The following IQGAP2 variants were observed in gnomAD, a reference collection of about 807,000 sequenced individuals.
IQGAP2 encodes IQ motif containing GTPase activating protein 2, also known as ras GTPase-activating-like protein IQGAP2.
In IQGAP2, 173 loss-of-function variants were observed where a neutral mutation model predicts 201.3. The observed-to-expected ratio is 0.86, with a 90% CI of 0.76 to 0.98. IQGAP2 has a LOEUF of 0.98. Ranked by LOEUF, IQGAP2 falls within the 50% of genes least tolerant of loss-of-function variation. IQGAP2 has a pLI of 0.00. For synonymous variants in IQGAP2, 675 were observed against 673.9 expected, an observed-to-expected ratio of 1.00 and a Z score of -0.03; for missense variants, 1,687 against 1,864.8, an observed-to-expected ratio of 0.90 and a Z score of 1.76.
intron 1 of IQGAP2, among the ~76,000 whole-genome samples, chr5:76,444,334 C>T (rs571661562): frequency 3.9e-5 from 6 of 152,226 alleles, no homozygotes; most frequent in South Asian, 2.1e-4. Context: ...GTTTCACTCT[C>T]GTCACCCAGG....
intron 1 of IQGAP2, among the ~76,000 whole-genome samples, chr5:76,437,942 G>A: frequency 6.7e-6 from 1 of 148,368 alleles, no homozygotes; most frequent in East Asian, 2.0e-4. Flanking sequence ...TGTGCCGTTG[G>A]ATTTGGTTTG....
At chr5:76,664,985 A>G (rs2150465597) in intron 21 of IQGAP2, 41 bp from the exon 22 acceptor site, 2 of 1,080,494 alleles carry the variant, frequency 1.9e-6, no homozygotes, top group Non-Finnish European at 2.7e-6. Flanking sequence ...GATAAAGAGT[A>G]TGAGAATTAA....
chr5:76,422,175 G>C (rs1483272234), intron 1 of IQGAP2, among the ~76,000 whole-genome samples: 1 of 152,232 alleles, frequency 6.6e-6, no homozygotes, highest in Non-Finnish European at 1.5e-5. Context: ...GGGGGCTCTA[G>C]AATGGTGGTG....
At chr5:76,496,785 C>CT (rs1269069597) in intron 2 of IQGAP2, among the ~76,000 whole-genome samples, 4 of 102,050 alleles carry the variant, frequency 3.9e-5, no homozygotes, top group Non-Finnish European at 5.9e-5. Context: ...TTCTTTCTTT[C>CT]TTTCTTTCTC....
At chr5:76,415,960 G>T (rs1003237803) in intron 1 of IQGAP2, among the ~76,000 whole-genome samples, 1 of 141,062 alleles carries the variant, frequency 7.1e-6, no homozygotes, top group Non-Finnish European at 1.5e-5. Flanking sequence ...AAAAAAAAAT[G>T]TGAAAAGAAA....
At chr5:76,553,707 AC>A (rs1449670637) in intron 2 of IQGAP2, among the ~76,000 whole-genome samples, 1 of 152,138 alleles carries the variant, frequency 6.6e-6, no homozygotes, top group Non-Finnish European at 1.5e-5. Context: ...AAGTAGTCCC[AC>A]CCTAAAAAGG....
chr5:76,672,495 AAGTC>A (rs993777545), intron 24 of IQGAP2, among the ~76,000 whole-genome samples: 1 of 152,204 alleles, frequency 6.6e-6, no homozygotes, highest in Non-Finnish European at 1.5e-5. Context: ...TAATAATAAA[AAGTC>A]AGGAAAAGTC....
intron 2 of IQGAP2, among the ~76,000 whole-genome samples, chr5:76,543,740 C>A (rs1742926167): frequency 6.6e-6 from 1 of 152,130 alleles, no homozygotes; most frequent in Non-Finnish European, 1.5e-5. Context: ...CAGTTTGTTT[C>A]CTGGCTTCAT....
intron 15 of IQGAP2, among the ~76,000 whole-genome samples, chr5:76,635,715 C>G (rs1209583931): frequency 6.6e-6 from 1 of 151,966 alleles, no homozygotes; most frequent in East Asian, 1.9e-4. Flanking sequence ...GTTGCATGAT[C>G]CTGTGGTCCC....
chr5:76,658,712 C>G, intron 21 of IQGAP2, 45 bp downstream of exon 21: 2 of 1,505,266 alleles, frequency 1.3e-6, no homozygotes, highest in Non-Finnish European at 1.8e-6. Flanking sequence ...AGAGGGAAGA[C>G]GCCTACATAC....
chr5:76,644,236 A>AAATTTTCCC (rs1425595248), intron 17 of IQGAP2, among the ~76,000 whole-genome samples: 1 of 151,330 alleles, frequency 6.6e-6, no homozygotes, highest in Non-Finnish European at 1.5e-5. Flanking sequence ...TGGCTATTAT[A>AAATTTTCCC]AATTTTCCCA....
At chr5:76,665,871 A>C (rs1231733300) in intron 22 of IQGAP2, among the ~76,000 whole-genome samples, 1 of 152,230 alleles carries the variant, frequency 6.6e-6, no homozygotes, top group African/African-American at 2.4e-5. Flanking sequence ...AGGAAACTGC[A>C]TGATAGCAAT....
chr5:76,562,399 G>C lies in IQGAP2; in HGVS notation c.150G>C (p.Trp50Cys). ...ATTTTTTTTTTAATCTCTTTAGGTG[G>C]ATGGAAGTTTGCTTAGTTGAAGAAT... The part of the protein sequence containing the change: ...YLCHLEEAKR[W>C]MEVCLVEELP... Residue 50 changes from tryptophan (W) to cysteine (C), a missense_variant, in exon 3 of 36, where the codon TGG becomes TGC. Physicochemically the swap from Trp to Cys is radical, Grantham distance 215. Transcript: ENST00000274364. 1 of 1,610,786 alleles carries C rather than the reference G, an allele frequency of 6.2e-7. No individual in the cohort carries two copies. Among genetic ancestry groups the C allele is most frequent in the Non-Finnish European group, 8.5e-7 (1 of 1,178,446 alleles).
intron 1 of IQGAP2, among the ~76,000 whole-genome samples, chr5:76,460,934 A>G (rs894004740): frequency 1.4e-5 from 2 of 147,744 alleles, no homozygotes; most frequent in African/African-American, 5.1e-5. Flanking sequence ...CAGTGGCACA[A>G]TCTTGGCTCA....
At chr5:76,535,116 T>G (rs1285341268) in intron 2 of IQGAP2, among the ~76,000 whole-genome samples, 1 of 151,934 alleles carries the variant, frequency 6.6e-6, no homozygotes. Flanking sequence ...TAGGTCCAGG[T>G]GAAAGCACTG....
At position 76,687,112 on chromosome 5, in the gene IQGAP2, T is replaced by C. The variant is rs142170858; in HGVS notation, c.3905+3195T>C. ...CAGTTGAATAGGTCTCTTGCAGTTATATGTGAATTTTAGGATCAACTTTTC... is the reference window on the plus strand; with the variant it reads ...CAGTTGAATAGGTCTCTTGCAGTTACATGTGAATTTTAGGATCAACTTTTC... On this transcript the variant is annotated intron_variant, in intron 30 of 35. Coordinates refer to ENST00000274364, the MANE Select transcript of IQGAP2 (RefSeq NM_006633.5). 8.2e-3 allele frequency among the ~76,000 whole-genome samples: 1,248 copies of C among 152,348 alleles called. 18 individuals are homozygous for C. The highest frequency in any genetic ancestry group is 0.028 in the African/African-American group (1,156 of 41,576).
At chr5:76,610,078 A>C (rs7717236) in intron 12 of IQGAP2, among the ~76,000 whole-genome samples, 1,723 of 4,034 alleles carry the variant, frequency 0.43, 157 homozygotes, top group South Asian at 0.52. Context: ...CTCTCTCTCT[A>C]TATATATATA....
intron 1 of IQGAP2, among the ~76,000 whole-genome samples, chr5:76,404,857 C>T (rs1750711393): frequency 6.7e-6 from 1 of 149,544 alleles, no homozygotes; most frequent in Non-Finnish European, 1.5e-5. Context: ...GAACGCTGTG[C>T]TCATTCAGTG....
chr5:76,462,889 T>G (rs1405143113), intron 2 of IQGAP2, among the ~76,000 whole-genome samples: 1 of 152,142 alleles, frequency 6.6e-6, no homozygotes, highest in Non-Finnish European at 1.5e-5. Flanking sequence ...ACAGTTAGGT[T>G]GCAGGATGCT....
Sources: gnomAD v4.1 joint callset for allele counts (sites outside exome capture counted in the v4.1 genomes callset) on GRCh38, gnomAD v4.1.1 for gene constraint, MANE v1.5 for transcripts, NCBI Gene and HGNC (gene_info 2026-07-23, HGNC 2026-07-21) for gene names.